ATP6V1C2: variants seen among roughly 807,000 people sequenced by gnomAD.
The protein encoded by ATP6V1C2 is ATPase H+ transporting V1 subunit C2.
A neutral mutation model predicts 56.8 loss-of-function variants in ATP6V1C2; 45 were observed. The observed-to-expected ratio is 0.79, with a 90% CI of 0.62 to 1.02. The LOEUF is 1.02. Among genes scored for constraint, ATP6V1C2 ranks in the 50% least tolerant of loss-of-function variants. The probability of loss-of-function intolerance (pLI) is 0.00; values close to 1 mark genes in which losing one functional copy is unlikely to be tolerated. For missense variants in ATP6V1C2, 463 were observed against 519.7 expected, an observed-to-expected ratio of 0.89 and a Z score of 1.06; for synonymous variants, 220 against 201.3, an observed-to-expected ratio of 1.09 and a Z score of -0.79.
chr2:10,767,675 C>T (rs1368430982), intron 5 of ATP6V1C2, among the ~76,000 whole-genome samples: 3 of 152,156 alleles, frequency 2.0e-5, no homozygotes, highest in Admixed American at 2.0e-4. Flanking sequence ...CCAGGCTGGT[C>T]TCAAACTCCT....
intron 2 of ATP6V1C2, 103 bp downstream of exon 2, chr2:10,723,081 G>GCAAA: frequency 1.4e-6 from 2 of 1,407,996 alleles, no homozygotes; most frequent in Non-Finnish European, 1.9e-6. Flanking sequence ...AAGTATCAAG[G>GCAAA]CAAAGCAGGG....
intron 4 of ATP6V1C2, among the ~76,000 whole-genome samples, chr2:10,756,780 G>A (rs1035765335): frequency 3.9e-5 from 6 of 152,050 alleles, no homozygotes; most frequent in Admixed American, 6.6e-5. Flanking sequence ...CTACAGTTGC[G>A]ATAGCCTAGG....
intron 5 of ATP6V1C2, 144 bp from the exon 6 acceptor site, chr2:10,768,575 G>A (rs1009442863): frequency 1.5e-6 from 1 of 674,230 alleles, no homozygotes; most frequent in East Asian, 2.8e-5. Flanking sequence ...AGGGCCAAAT[G>A]CTGGTAAACA....
At chr2:10,777,085 C>G (rs1042877864) in intron 10 of ATP6V1C2, among the ~76,000 whole-genome samples, 3 of 152,236 alleles carry the variant, frequency 2.0e-5, no homozygotes, top group Non-Finnish European at 4.4e-5. Context: ...CCCTGTGTTT[C>G]CCACCTGTTT....
At chr2:10,735,794 C>A (rs1242503505) in intron 3 of ATP6V1C2, among the ~76,000 whole-genome samples, 1 of 151,328 alleles carries the variant, frequency 6.6e-6, no homozygotes, top group Non-Finnish European at 1.5e-5. Context: ...CTTTATGTTG[C>A]CCAGGCTGGT....
Position 10,742,569 on chromosome 2 carries a change from C to T in ATP6V1C2, c.198-11412C>T, listed in dbSNP as rs535945603. Reference sequence around the variant, plus strand: ...GCTTCTAGGCACCCGCCGGCTGCTCCTCTCCCCATACCCCTGGACTGGAAG... The same window carrying T: ...GCTTCTAGGCACCCGCCGGCTGCTCTTCTCCCCATACCCCTGGACTGGAAG... On this transcript the variant is annotated intron_variant, in intron 3 of 13. Coordinates refer to ENST00000272238, the MANE Select transcript of ATP6V1C2 (RefSeq NM_001039362.2). Among the ~76,000 whole-genome samples the T allele has an allele frequency of 2.4e-4, 37 of 152,314 alleles. No homozygotes were observed. The East Asian group carries it at 6.8e-3, about 28-fold the overall frequency.
chr2:10,744,071 A>G (rs1270288193), intron 3 of ATP6V1C2: 3 of 152,084 alleles, frequency 2.0e-5, no homozygotes, highest in Non-Finnish European at 4.4e-5. Context: ...AGTCCCAGCT[A>G]CCTGGGAGGC....
chr2:10,753,073 G>A (rs1663312279), intron 3 of ATP6V1C2, among the ~76,000 whole-genome samples: 1 of 152,180 alleles, frequency 6.6e-6, no homozygotes, highest in Non-Finnish European at 1.5e-5. Context: ...TGGCCAATTT[G>A]AGCCCTTTTG....
intron 4 of ATP6V1C2, among the ~76,000 whole-genome samples, chr2:10,762,923 C>T (rs534671736): frequency 1.8e-4 from 28 of 152,272 alleles, no homozygotes; most frequent in African/African-American, 6.7e-4. Flanking sequence ...CCTGGAGCCT[C>T]CTCCACACCA....
At chr2:10,782,476 G>A (rs1036462322) in intron 13 of ATP6V1C2, 101 bp downstream of exon 13, 2 of 1,359,846 alleles carry the variant, frequency 1.5e-6, no homozygotes, top group East Asian at 2.4e-5. Flanking sequence ...GAGGTAGGTG[G>A]ATCACTTGAG....
chr2:10,761,949 A>C (rs1572572651), intron 4 of ATP6V1C2, among the ~76,000 whole-genome samples: 1 of 152,130 alleles, frequency 6.6e-6, no homozygotes, highest in Non-Finnish European at 1.5e-5. Context: ...GGCAGGTTCC[A>C]CCTGCAGCAA....
chr2:10,754,031 AG>A lies in ATP6V1C2; in HGVS notation c.252del (p.Lys85ArgfsTer13). ...GTGGTGGAAGTCATGGAGGACTCAA[AG>A]GGGAAGGTCCAGGAGCACCTCCTGG... ...QSVVEVMEDSKGKVQEHLLAN... is the reference protein window; with the variant it reads ...QSVVEVMEDSXGKVQEHLLAN... On this transcript the variant is annotated frameshift_variant, in exon 4 of 14. Transcript: ENST00000272238. LOFTEE classifies it high-confidence loss of function. 3 of 1,607,916 alleles carry A rather than the reference AG, an allele frequency of 1.9e-6. No homozygotes were observed. The highest frequency in any genetic ancestry group is 2.5e-6 in the Non-Finnish European group (3 of 1,176,598).
chr2:10,747,295 A>T (rs1252436573), intron 3 of ATP6V1C2, among the ~76,000 whole-genome samples: 1 of 152,038 alleles, frequency 6.6e-6, no homozygotes, highest in East Asian at 1.9e-4. Flanking sequence ...AAAAGAAAAG[A>T]ATTCTCATAC....
intron 3 of ATP6V1C2, among the ~76,000 whole-genome samples, chr2:10,749,297 C>T (rs1359105742): frequency 6.6e-6 from 1 of 152,012 alleles, no homozygotes; most frequent in Admixed American, 6.6e-5. Context: ...GAGTTCAAGA[C>T]CGGTCTGGGC....
chr2:10,748,080 T>C (rs1663020637), intron 3 of ATP6V1C2, among the ~76,000 whole-genome samples: 1 of 152,106 alleles, frequency 6.6e-6, no homozygotes, highest in South Asian at 2.1e-4. Context: ...GTATTTTTAG[T>C]AGAGATGGGG....
rs111465133 is a variant in ATP6V1C2, at chr2:10,740,013, A to G, written c.197+13444A>G. Among the ~76,000 whole-genome samples, 676 of 149,890 alleles carry G rather than the reference A, an allele frequency of 4.5e-3. 9 individuals carry two copies. Among genetic ancestry groups the G allele is most frequent in the African/African-American group, 0.016 (639 of 40,818 alleles). Reference sequence around the variant, plus strand: ...TGAGGCAGGAGAATCACTTAAACCCAGGAGGCAGAGGTTGCAGTGAGCTGA... The same window carrying G: ...TGAGGCAGGAGAATCACTTAAACCCGGGAGGCAGAGGTTGCAGTGAGCTGA... On this transcript the variant is annotated intron_variant, in intron 3 of 13. Coordinates refer to ENST00000272238, the MANE Select transcript of ATP6V1C2 (RefSeq NM_001039362.2).
intron 12 of ATP6V1C2, 96 bp downstream of exon 12, chr2:10,778,765 C>T: frequency 8.9e-7 from 1 of 1,118,172 alleles, no homozygotes; most frequent in Non-Finnish European, 1.3e-6. Flanking sequence ...TCTCTCCATC[C>T]TCCACCCGTC....
chr2:10,769,428 G>A (rs181266670), intron 6 of ATP6V1C2, among the ~76,000 whole-genome samples: 66 of 152,274 alleles, frequency 4.3e-4, no homozygotes, highest in Non-Finnish European at 1.0e-4. Context: ...CAGGTGGCCA[G>A]GCTGGTGGCT....
At chr2:10,738,930 G>T (rs935393245) in intron 3 of ATP6V1C2, among the ~76,000 whole-genome samples, 2 of 152,170 alleles carry the variant, frequency 1.3e-5, no homozygotes, top group African/African-American at 4.8e-5. Flanking sequence ...CCACTTCTCA[G>T]CACGTCCATC....
Sources: allele counts gnomAD v4.1 joint callset (sites outside exome capture counted in the v4.1 genomes callset), GRCh38; gene constraint gnomAD v4.1.1; transcripts MANE v1.5; gene names NCBI Gene and HGNC (gene_info 2026-07-23, HGNC 2026-07-21).